The following KCNC2 variants were observed in gnomAD, a reference collection of about 807,000 sequenced individuals.
KCNC2 encodes voltage-gated potassium channel KCNC2.
KCNC2 carries 21 observed loss-of-function variants against 44.5 expected under a neutral mutation model. The observed-to-expected ratio is 0.47, with a 90% CI of 0.33 to 0.68. KCNC2 has a LOEUF of 0.68. Among genes scored for constraint, KCNC2 ranks in the 30% least tolerant of loss-of-function variants. The probability of loss-of-function intolerance (pLI) is 0.01; values close to 1 mark genes in which losing one functional copy is unlikely to be tolerated. For synonymous variants in KCNC2, 391 were observed against 339.1 expected (o/e 1.15, Z -1.68); for missense variants, 589 against 826.2 (o/e 0.71, Z 3.52).
At chr12:75,189,771 G>C (rs1279971146) in intron 2 of KCNC2, among the ~76,000 whole-genome samples, 1 of 152,090 alleles carries the variant, frequency 6.6e-6, no homozygotes, top group East Asian at 1.9e-4. Flanking sequence ...TTCTACACAG[G>C]GTTCATATCT....
chr12:75,172,886 T>G (rs1156680548), intron 2 of KCNC2, among the ~76,000 whole-genome samples: 1 of 151,762 alleles, frequency 6.6e-6, no homozygotes, highest in Non-Finnish European at 1.5e-5. Context: ...CTGTCTAACT[T>G]CCTGATGGGA....
At chr12:75,149,346 A>G (rs1276816436) in intron 2 of KCNC2, among the ~76,000 whole-genome samples, 6 of 151,862 alleles carry the variant, frequency 4.0e-5, no homozygotes, top group Non-Finnish European at 7.4e-5. Flanking sequence ...TCAAGACTGC[A>G]TATTAGCCAT....
intron 2 of KCNC2, among the ~76,000 whole-genome samples, chr12:75,129,886 A>G (rs1888707023): frequency 6.6e-6 from 1 of 152,224 alleles, no homozygotes; most frequent in African/African-American, 2.4e-5. Flanking sequence ...GGTTGACTTG[A>G]TAAGTATCTA....
chr12:75,072,007 C>T (rs1018380181), intron 2 of KCNC2, among the ~76,000 whole-genome samples: 5 of 146,876 alleles, frequency 3.4e-5, no homozygotes, highest in Non-Finnish European at 7.4e-5. Flanking sequence ...AATAGAATGC[C>T]AGATACAGAA....
intron 2 of KCNC2, among the ~76,000 whole-genome samples, chr12:75,106,613 T>C (rs912914072): frequency 2.0e-5 from 3 of 152,132 alleles, no homozygotes; most frequent in Admixed American, 1.3e-4. Flanking sequence ...TATAGATACA[T>C]AGAATCATAC....
chr12:75,125,168 T>C (rs1181304038), intron 2 of KCNC2, among the ~76,000 whole-genome samples: 3 of 152,074 alleles, frequency 2.0e-5, no homozygotes, highest in Admixed American at 6.5e-5. Flanking sequence ...GAACATCAAA[T>C]AGGTTCAGAT....
chr12:75,164,744 A>G (rs1345050913), intron 2 of KCNC2, among the ~76,000 whole-genome samples: 1 of 151,770 alleles, frequency 6.6e-6, no homozygotes, highest in East Asian at 1.9e-4. Context: ...CTATGAGAAT[A>G]GCCAATGGAA....
At chr12:75,052,420 G>A (rs754520295) in intron 2 of KCNC2, among the ~76,000 whole-genome samples, 2 of 152,042 alleles carry the variant, frequency 1.3e-5, no homozygotes, top group Non-Finnish European at 2.9e-5. Flanking sequence ...TAATATTAAA[G>A]ATCTGAAAAC....
intron 2 of KCNC2, among the ~76,000 whole-genome samples, chr12:75,116,551 G>A (rs1887673440): frequency 6.6e-6 from 1 of 152,110 alleles, no homozygotes; most frequent in Non-Finnish European, 1.5e-5. Flanking sequence ...TCCAATAGAG[G>A]AAGATACTAT....
At chr12:75,146,046 C>T (rs1311713610) in intron 2 of KCNC2, among the ~76,000 whole-genome samples, 12 of 151,430 alleles carry the variant, frequency 7.9e-5, no homozygotes, top group Non-Finnish European at 1.3e-4. Context: ...TTCCACCTCC[C>T]GGGGTTCACA....
intron 2 of KCNC2, among the ~76,000 whole-genome samples, chr12:75,173,448 C>G (rs118078120): frequency 0.019 from 2,845 of 151,906 alleles, 56 homozygotes; most frequent in Middle Eastern, 0.054. Context: ...GTAAACTACA[C>G]TTTCCACTAC....
chr12:75,132,359 A>C (rs1888914662), intron 2 of KCNC2, among the ~76,000 whole-genome samples: 1 of 152,208 alleles, frequency 6.6e-6, no homozygotes, highest in Non-Finnish European at 1.5e-5. Context: ...TGGATTGATT[A>C]ATAGAAATAA....
rs573671676 is a variant in KCNC2 at position 75,191,845 on chromosome 12, G to A, written c.687+15452C>T. On this transcript the variant is annotated intron_variant, in intron 2 of 4. Coordinates refer to ENST00000549446, the MANE Select transcript of KCNC2 (RefSeq NM_139137.4). ...ATTACAGGCGTGAGCCACCGCGCCC[G>A]GCCTATTATAATCTATTTTATAAAT... Among the ~76,000 whole-genome samples, 25 of 151,990 alleles carry A rather than the reference G, an allele frequency of 1.6e-4. No individual in the cohort carries two copies. In the East Asian group the frequency reaches 3.9e-3, roughly 24 times the overall value.
intron 4 of KCNC2, chr12:75,043,627 G>T: frequency 8.1e-7 from 1 of 1,233,714 alleles, no homozygotes. Flanking sequence ...AGAGAAATAA[G>T]TAGGCTACTT....
chr12:75,172,639 C>T (rs1173236484), intron 2 of KCNC2, among the ~76,000 whole-genome samples: 2 of 151,866 alleles, frequency 1.3e-5, no homozygotes, highest in Non-Finnish European at 2.9e-5. Flanking sequence ...ACTGGGAAAC[C>T]TTTTCAATTT....
chr12:75,117,995 A>C (rs147792969), intron 2 of KCNC2, among the ~76,000 whole-genome samples: 2 of 152,284 alleles, frequency 1.3e-5, no homozygotes, highest in African/African-American at 4.8e-5. Flanking sequence ...TTGTCTATGT[A>C]TGTCCCTACC....
At chr12:75,044,457 TTTTC>T (rs1337138350) in intron 4 of KCNC2, 2 of 151,988 alleles carry the variant, frequency 1.3e-5, no homozygotes, top group Non-Finnish European at 2.9e-5. Flanking sequence ...GGTCCATTGT[TTTTC>T]TTTATGTACC....
chr12:75,075,749 C>A (rs1883898353), intron 2 of KCNC2, among the ~76,000 whole-genome samples: 1 of 151,900 alleles, frequency 6.6e-6, no homozygotes, highest in Non-Finnish European at 1.5e-5. Context: ...AGAAACTATA[C>A]ATCATTACTC....
intron 2 of KCNC2, among the ~76,000 whole-genome samples, chr12:75,056,253 C>G (rs1042434016): frequency 1.3e-5 from 2 of 151,932 alleles, no homozygotes; most frequent in African/African-American, 4.8e-5. Context: ...TTAAAAGTTA[C>G]TTCATCCTCC....
Sources: gnomAD v4.1 joint callset for allele counts (sites outside exome capture counted in the v4.1 genomes callset) on GRCh38, gnomAD v4.1.1 for gene constraint, MANE v1.5 for transcripts, NCBI Gene and HGNC (gene_info 2026-07-23, HGNC 2026-07-21) for gene names.